The following GPC6 variants were observed in gnomAD, a reference collection of about 807,000 sequenced individuals.
The protein encoded by GPC6 is glypican-6.
GPC6 carries 14 observed loss-of-function variants against 55.2 expected under a neutral mutation model. That is an observed-to-expected ratio of 0.25 (90% CI 0.17 to 0.40). GPC6 has a LOEUF of 0.40. Among genes scored for constraint, GPC6 ranks in the 10% least tolerant of loss-of-function variants. The pLI is 1.00. For synonymous variants in GPC6, 278 were observed against 259.6 expected (o/e 1.07, Z -0.68); for missense variants, 641 against 708.5 (o/e 0.90, Z 1.08).
chr13:93,704,915 C>T (rs1038074231), intron 2 of GPC6, among the ~76,000 whole-genome samples: 1 of 151,856 alleles, frequency 6.6e-6, no homozygotes, highest in African/African-American at 2.4e-5. Context: ...GTGGGTGACA[C>T]CAGGGCAGTC....
At chr13:93,298,848 A>G (rs1372829043) in intron 1 of GPC6, among the ~76,000 whole-genome samples, 1 of 150,632 alleles carries the variant, frequency 6.6e-6, no homozygotes, top group Non-Finnish European at 1.5e-5. Context: ...TTCTCTGATC[A>G]AAGCAGATGC....
At chr13:94,077,319 G>A (rs1884951360) in intron 4 of GPC6, among the ~76,000 whole-genome samples, 1 of 151,680 alleles carries the variant, frequency 6.6e-6, no homozygotes, top group Non-Finnish European at 1.5e-5. Context: ...ATTTTTTAAT[G>A]TTGATTTTGT....
intron 2 of GPC6, among the ~76,000 whole-genome samples, chr13:93,645,704 C>G (rs1880142330): frequency 6.6e-6 from 1 of 151,826 alleles, no homozygotes; most frequent in South Asian, 2.1e-4. Flanking sequence ...ATGTAGAAAA[C>G]CTCATTTATT....
intron 1 of GPC6, among the ~76,000 whole-genome samples, chr13:93,275,214 G>C (rs746602800): frequency 5.9e-5 from 9 of 152,162 alleles, no homozygotes; most frequent in Non-Finnish European, 1.0e-4. Flanking sequence ...CTGTTTTAAA[G>C]TTCCTAATGG....
At chr13:94,052,689 A>G (rs1334388983) in intron 4 of GPC6, among the ~76,000 whole-genome samples, 2 of 151,584 alleles carry the variant, frequency 1.3e-5, no homozygotes, top group Non-Finnish European at 2.9e-5. Context: ...CATTTGTTTC[A>G]TTTTTCCCCT....
intron 1 of GPC6, among the ~76,000 whole-genome samples, chr13:93,362,699 A>T (rs1426742916): frequency 6.6e-6 from 1 of 152,006 alleles, no homozygotes; most frequent in East Asian, 1.9e-4. Flanking sequence ...AATTTTTTTT[A>T]AAGGGTTTGA....
rs185852897 is a variant in GPC6, at chr13:93,353,012, C to T, written c.160+125396C>T. Among the ~76,000 whole-genome samples, 13 of 152,142 alleles carry T rather than the reference C, an allele frequency of 8.5e-5. No individual in the cohort carries two copies. In the East Asian group the frequency reaches 1.2e-3, roughly 14 times the overall value. On this transcript the variant is annotated intron_variant, in intron 1 of 8. Coordinates refer to ENST00000377047, the MANE Select transcript of GPC6 (RefSeq NM_005708.5). ...GTACTGGCATAGGTAAGAGTGGCTT[C>T]GGATAGGGTAGTACAGGCCAAGGTG...
At chr13:94,070,078 AT>A (rs1884670215) in intron 4 of GPC6, among the ~76,000 whole-genome samples, 1 of 152,188 alleles carries the variant, frequency 6.6e-6, no homozygotes, top group Non-Finnish European at 1.5e-5. Context: ...AAAGAAAGAG[AT>A]TTAATGCACT....
Position 94,050,163 on chromosome 13 carries a change from T to C in GPC6, c.877+22269T>C, listed in dbSNP as rs150112440. On this transcript the variant is annotated intron_variant, in intron 4 of 8. Coordinates refer to ENST00000377047, the MANE Select transcript of GPC6 (RefSeq NM_005708.5). ...AACAAATACAGGTATTTTTTCTCCA[T>C]CTCTTGAACTAGGGGTTTGGTCTGT... 6.8e-4 allele frequency among the ~76,000 whole-genome samples: 104 copies of C among 152,250 alleles called. 2 individuals carry two copies. Among genetic ancestry groups the C allele is most frequent in the African/African-American group, 2.5e-3 (102 of 41,540 alleles).
intron 2 of GPC6, among the ~76,000 whole-genome samples, chr13:93,754,475 A>G (rs779886118): frequency 6.6e-6 from 1 of 152,142 alleles, no homozygotes; most frequent in Admixed American, 6.6e-5. Flanking sequence ...GAGATAAATA[A>G]TTAATCGCTT....
At chr13:93,289,538 A>T (rs1226254873) in intron 1 of GPC6, among the ~76,000 whole-genome samples, 1 of 152,190 alleles carries the variant, frequency 6.6e-6, no homozygotes, top group African/African-American at 2.4e-5. Flanking sequence ...TGTAGTATAT[A>T]AATATTTATA....
At chr13:94,095,854 C>T (rs151265977) in intron 4 of GPC6, among the ~76,000 whole-genome samples, 110 of 152,128 alleles carry the variant, frequency 7.2e-4, no homozygotes, top group African/African-American at 2.6e-3. Context: ...GATCAGGGAA[C>T]GTACAGATGG....
At chr13:93,696,319 C>T (rs77720985) in intron 2 of GPC6, among the ~76,000 whole-genome samples, 2,011 of 152,000 alleles carry the variant, frequency 0.013, 25 homozygotes, top group Non-Finnish European at 0.021. Flanking sequence ...TTGCTTTTAA[C>T]GAAAGTTAAA....
intron 4 of GPC6, among the ~76,000 whole-genome samples, chr13:94,088,359 A>G (rs1338652596): frequency 6.6e-6 from 1 of 152,066 alleles, no homozygotes; most frequent in Admixed American, 6.6e-5. Context: ...TGGACATATT[A>G]AGTTTTAAGG....
At chr13:93,336,561 A>G (rs1880051762) in intron 1 of GPC6, among the ~76,000 whole-genome samples, 1 of 152,178 alleles carries the variant, frequency 6.6e-6, no homozygotes, top group African/African-American at 2.4e-5. Flanking sequence ...TGAACCATGG[A>G]TTTCAATGCA....
intron 1 of GPC6, among the ~76,000 whole-genome samples, chr13:93,275,940 T>C (rs1877718414): frequency 6.6e-6 from 1 of 152,186 alleles, no homozygotes; most frequent in African/African-American, 2.4e-5. Context: ...GGCGGCGCGA[T>C]CTCGGCTCAT....
At chr13:93,602,192 C>A (rs953880200) in intron 2 of GPC6, among the ~76,000 whole-genome samples, 10 of 152,170 alleles carry the variant, frequency 6.6e-5, no homozygotes, top group Non-Finnish European at 1.3e-4. Flanking sequence ...ATAAAATATT[C>A]TAAACTAATG....
intron 1 of GPC6, among the ~76,000 whole-genome samples, chr13:93,434,925 T>A (rs1366756613): frequency 6.6e-6 from 1 of 152,142 alleles, no homozygotes; most frequent in East Asian, 1.9e-4. Context: ...CAGGATGGTC[T>A]CGATCTCTTA....
At chr13:93,833,127 G>T (rs1887590976) in intron 3 of GPC6, among the ~76,000 whole-genome samples, 2 of 142,336 alleles carry the variant, frequency 1.4e-5, no homozygotes, top group African/African-American at 5.1e-5. Context: ...GAGAGAGAGA[G>T]AGAGAGAGAG....
Sources: gnomAD v4.1 joint callset for allele counts (sites outside exome capture counted in the v4.1 genomes callset) on GRCh38, gnomAD v4.1.1 for gene constraint, MANE v1.5 for transcripts, NCBI Gene and HGNC (gene_info 2026-07-23, HGNC 2026-07-21) for gene names.